Variants in CACNA1A observed in about 807,000 individuals in gnomAD.
CACNA1A encodes the protein calcium voltage-gated channel subunit alpha1 A, also known as voltage-dependent P/Q-type calcium channel subunit alpha-1A.
In CACNA1A, 57 loss-of-function variants were observed where a neutral mutation model predicts 262.4. That is an observed-to-expected ratio of 0.22 (90% confidence interval 0.18 to 0.27). The LOEUF (loss-of-function observed/expected upper bound fraction) is 0.27. CACNA1A is among the 10% of genes least tolerant of loss of function. The probability of loss-of-function intolerance (pLI) is 1.00; values close to 1 mark genes in which losing one functional copy is unlikely to be tolerated. For missense variants in CACNA1A, 2,526 were observed against 3,562.8 expected (o/e 0.71, Z 7.41); for synonymous variants, 1,431 against 1,419.3 (o/e 1.01, Z -0.18).
chr19:13,280,357 A>T (rs573712758), intron 22 of CACNA1A, among the ~76,000 whole-genome samples: 3,372 of 141,042 alleles, frequency 0.024, 99 homozygotes, highest in South Asian at 0.16. Flanking sequence ...AAAAAAAAAA[A>T]TTTTTTTTTT....
chr19:13,414,582 T>C (rs944740932), intron 3 of CACNA1A, among the ~76,000 whole-genome samples: 38 of 151,944 alleles, frequency 2.5e-4, no homozygotes, highest in African/African-American at 8.7e-4. Flanking sequence ...GAAGGGGTAA[T>C]TAAAAACAAA....
intron 29 of CACNA1A, among the ~76,000 whole-genome samples, chr19:13,254,341 T>TC (rs1347845101): frequency 2.0e-5 from 3 of 151,780 alleles, no homozygotes; most frequent in Non-Finnish European, 2.9e-5. Flanking sequence ...ACCTACCCCT[T>TC]CTCCCTCATT....
intron 3 of CACNA1A, among the ~76,000 whole-genome samples, chr19:13,436,514 C>CTCAT (rs1018628078): frequency 6.6e-6 from 1 of 152,068 alleles, no homozygotes; most frequent in Non-Finnish European, 1.5e-5. Flanking sequence ...CATTAATTCA[C>CTCAT]TCATTCATTC....
intron 24 of CACNA1A, among the ~76,000 whole-genome samples, chr19:13,268,620 G>A (rs796985235): frequency 6.6e-6 from 1 of 152,008 alleles, no homozygotes; most frequent in African/African-American, 2.4e-5. Context: ...ATTTTTAGTA[G>A]AGATGGGGTT....
intron 34 of CACNA1A, among the ~76,000 whole-genome samples, chr19:13,233,571 T>C (rs943614645): frequency 2.6e-5 from 4 of 152,142 alleles, no homozygotes; most frequent in African/African-American, 9.7e-5. Flanking sequence ...TACTGTAGCC[T>C]GGAACTCCTG....
chr19:13,294,786 C>T (rs146502969), intron 19 of CACNA1A, among the ~76,000 whole-genome samples: 162 of 152,126 alleles, frequency 1.1e-3, no homozygotes, highest in Non-Finnish European at 1.2e-3. Context: ...ATCACACTGG[C>T]CTGTACCTGG....
At chr19:13,276,031 C>T in intron 23 of CACNA1A, 75 bp from the exon 24 acceptor site, 1 of 931,516 alleles carries the variant, frequency 1.1e-6, no homozygotes, top group Non-Finnish European at 1.7e-6. Flanking sequence ...CACTCTCTAG[C>T]CTCTCGGGGA....
intron 5 of CACNA1A, among the ~76,000 whole-genome samples, chr19:13,360,097 G>T (rs1255240805): frequency 6.9e-6 from 1 of 144,212 alleles, no homozygotes; most frequent in Non-Finnish European, 1.5e-5. Flanking sequence ...GCTATAAATT[G>T]CCTTTAAGTG....
chr19:13,207,912 CG>C lies in CACNA1A; in HGVS notation c.6921del (p.Gly2308AlafsTer300). 6.8e-7 allele frequency: 1 copy of C among 1,464,386 alleles called. No individual in the cohort carries two copies. The allele number at this position is 1,464,386 out of a possible 1,614,324, so 90.7% of individuals were successfully genotyped here. ...VSYSPVIRKA[G>X]GSGPPQQQQQ... is the part of the protein sequence containing the mutation. ...TGCTGCTGCTGCGGGGGCCCCGAGCCGCCGGCCTTACGGATCACAGGGGAAT... is the reference window on the plus strand; with the variant it reads ...TGCTGCTGCTGCGGGGGCCCCGAGCCCCGGCCTTACGGATCACAGGGGAAT... On this transcript the variant is annotated frameshift_variant, in exon 47 of 47. Transcript: ENST00000360228. LOFTEE classifies it low-confidence loss of function (END_TRUNC). This position sits in a 1 kb window ranked among gnomAD's most constrained non-coding sequence, Gnocchi z 5.7.
At chr19:13,320,362 T>C (rs1444276051) in intron 10 of CACNA1A, among the ~76,000 whole-genome samples, 1 of 152,012 alleles carries the variant, frequency 6.6e-6, no homozygotes, top group Non-Finnish European at 1.5e-5. Flanking sequence ...GCAGATGACC[T>C]TGGGCAAGCC....
In CACNA1A at chr19:13,207,490, G is replaced by C. The variant is rs770109102; in HGVS notation, c.7344C>G (p.Thr2448=). 9.4e-5 allele frequency: 134 copies of C among 1,425,692 alleles called. No homozygotes were observed. Among genetic ancestry groups the C allele is most frequent in the Non-Finnish European group, 1.1e-4 (123 of 1,096,126 alleles). The allele number at this position is 1,425,692 out of a possible 1,614,324, so 88.3% of individuals were successfully genotyped here. A position where few individuals can be genotyped will look rare whatever the true frequency, so the allele number is the denominator to read the frequency against. The change falls in exon 47 of 47, where the codon ACC becomes ACG. Residue 2448 remains threonine (T), a synonymous_variant. Coordinates refer to ENST00000360228, the MANE Select transcript of CACNA1A (RefSeq NM_001127222.2). This position sits in a 1 kb window ranked among gnomAD's most constrained non-coding sequence, Gnocchi z 5.7. Reference sequence around the variant, plus strand: ...CCCGGGGAGTCCTGGGCGAGCGCCCGGTGGCGCCCGAGGACGCGTGTCGTA... The same window carrying C: ...CCCGGGGAGTCCTGGGCGAGCGCCCCGTGGCGCCCGAGGACGCGTGTCGTA... ...PPVRHASSGA[T]GRSPRTPRAS...
At chr19:13,248,020 C>G (rs1459929786) in intron 30 of CACNA1A, among the ~76,000 whole-genome samples, 1 of 151,984 alleles carries the variant, frequency 6.6e-6, no homozygotes, top group Non-Finnish European at 1.5e-5. Flanking sequence ...GAAACTGAGC[C>G]CCATTTGTTC....
intron 10 of CACNA1A, among the ~76,000 whole-genome samples, chr19:13,319,388 T>G (rs929390031): frequency 6.6e-6 from 1 of 152,236 alleles, no homozygotes; most frequent in African/African-American, 2.4e-5. Flanking sequence ...CATCATTCAT[T>G]TGCTCATCCA....
intron 3 of CACNA1A, among the ~76,000 whole-genome samples, chr19:13,394,965 C>G (rs1568603835): frequency 6.6e-6 from 1 of 152,048 alleles, no homozygotes; most frequent in Non-Finnish European, 1.5e-5. Flanking sequence ...TTTGTAAAAA[C>G]TAGTTATAAA....
At chr19:13,289,140 CTTT>C (rs36024401) in intron 19 of CACNA1A, among the ~76,000 whole-genome samples, 22 of 122,196 alleles carry the variant, frequency 1.8e-4, no homozygotes, top group Admixed American at 1.8e-4. Flanking sequence ...TCGGCAATGT[CTTT>C]TTTTTTTTTT....
At chr19:13,255,949 TTCTC>T (rs1297089100) in intron 28 of CACNA1A, among the ~76,000 whole-genome samples, 2 of 136,686 alleles carry the variant, frequency 1.5e-5, no homozygotes, top group Non-Finnish European at 3.2e-5. Context: ...CCTCCTTTCT[TTCTC>T]TCTCTCATTT....
intron 15 of CACNA1A, 150 bp from the exon 16 acceptor site, chr19:13,304,034 G>C (rs1236102051): frequency 6.4e-6 from 4 of 628,982 alleles, no homozygotes; most frequent in South Asian, 3.9e-5. Flanking sequence ...CAGACTCCGT[G>C]TTGGCTTCTC....
In CACNA1A at chr19:13,455,285, C is replaced by A. The variant is rs1568662191; in HGVS notation, c.294-73G>T. ...TGGAGGTGCACCCACCCCCACTGAC[C>A]CCAGTGGAAAGATCTCAAGCCCTCT... On this transcript the variant is annotated intron_variant, in intron 1 of 46. Coordinates refer to ENST00000360228, the MANE Select transcript of CACNA1A (RefSeq NM_001127222.2). 3.5e-6 allele frequency: 3 copies of A among 849,480 alleles called. No individual in the cohort carries two copies. In the South Asian group the frequency reaches 4.1e-5, roughly 12 times the overall value. 52.6% of individuals were successfully genotyped at this position (849,480 alleles called of 1,614,324 possible). A position where few individuals can be genotyped will look rare whatever the true frequency, so the allele number is the denominator to read the frequency against.
chr19:13,385,841 G>A (rs1336890061), intron 3 of CACNA1A, among the ~76,000 whole-genome samples: 1 of 152,060 alleles, frequency 6.6e-6, no homozygotes, highest in East Asian at 1.9e-4. Flanking sequence ...GTATATTCTA[G>A]AAGAGGTGGA....
Sources: allele counts gnomAD v4.1 joint callset (sites outside exome capture counted in the v4.1 genomes callset), GRCh38; gene constraint gnomAD v4.1.1; non-coding constraint Gnocchi (gnomAD v3.1); transcripts MANE v1.5; gene names NCBI Gene and HGNC (gene_info 2026-07-23, HGNC 2026-07-21).